SI: variants seen among roughly 807,000 people sequenced by gnomAD.
The protein encoded by SI is sucrase-isomaltase, intestinal.
Under a neutral mutation model 253.3 loss-of-function variants are expected in SI, and 235 were observed. The ratio of observed to expected loss-of-function variants is 0.93; its 90% CI spans 0.83 to 1.03. The LOEUF is 1.03. Among genes scored for constraint, SI ranks in the 50% least tolerant of loss-of-function variants. The pLI is 0.00. For missense variants in SI, 2,442 were observed against 2,211.1 expected, an observed-to-expected ratio of 1.10 and a Z score of -2.09; for synonymous variants, 819 against 712.0, an observed-to-expected ratio of 1.15 and a Z score of -2.39.
At chr3:165,089,010 A>T in the SI span, among the ~76,000 whole-genome samples, 1 of 151,822 alleles carries the variant, frequency 6.6e-6, no homozygotes, top group South Asian at 2.1e-4. Flanking sequence ...TTTGACCCAC[A>T]TTCAAATGAA....
At chr3:165,068,871 TATA>T (rs1247491733) in intron 4 of SI, 40 bp from the exon 5 acceptor site, 17 of 1,296,096 alleles carry the variant, frequency 1.3e-5, no homozygotes, top group Non-Finnish European at 1.9e-5. Context: ...TGACTTGATT[TATA>T]ATGTTAACAA....
At chr3:165,009,528 T>G in intron 34 of SI, 133 bp from the exon 35 acceptor site, 1 of 661,392 alleles carries the variant, frequency 1.5e-6, no homozygotes, top group Non-Finnish European at 2.8e-6. Flanking sequence ...CAATCTTAAT[T>G]ACATAAATGT....
chr3:165,074,743 C>A, intron 2 of SI, 76 bp from the exon 3 acceptor site: 1 of 1,248,142 alleles, frequency 8.0e-7, no homozygotes, highest in Non-Finnish European at 1.2e-6. Flanking sequence ...GTAATAAGTA[C>A]TTTTTGAAAG....
In SI at chr3:164,996,594, A is replaced by C. The variant is rs759927786; in HGVS notation, c.4633T>G (p.Trp1545Gly). The part of the protein sequence containing the change: ...NNSEYHLCTR[W>G]MQLGAFYPYS... ...GGATAAAATGCTCCAAGTTGCATCC[A>C]GCGGGTACAGAGATGATATTCTGAG... Residue 1545 changes from tryptophan (W) to glycine (G), a missense_variant, in exon 40 of 48, where the codon TGG becomes GGG. Coordinates refer to ENST00000264382, the MANE Select transcript of SI (RefSeq NM_001041.4). The C allele has an allele frequency of 1.2e-6, 2 of 1,610,534 alleles. No homozygotes were observed. The highest frequency in any genetic ancestry group is 1.7e-6 in the Non-Finnish European group (2 of 1,177,356).
rs752155925 is a variant in SI, at chr3:165,069,083, CTTG to C, written c.365_367del (p.Thr122del). On this transcript the variant is annotated inframe_deletion, in exon 4 of 48. Coordinates refer to ENST00000264382, the MANE Select transcript of SI (RefSeq NM_001041.4). The stretch of plus-strand genomic sequence containing the variant: ...TATAACAGAGGACTTCTTACCAATA[CTTG>C]TTGTTGTCATGTCTTGAACGTTATA... 9 of 1,598,958 alleles carry C rather than the reference CTTG, an allele frequency of 5.6e-6. No individual in the cohort carries two copies. In the East Asian group the frequency reaches 1.1e-4, roughly 20 times the overall value.
chr3:165,034,895 G>T (rs1292000289), intron 22 of SI, among the ~76,000 whole-genome samples: 1 of 151,980 alleles, frequency 6.6e-6, no homozygotes. Context: ...TTTAAAAGGG[G>T]TTAAAAAGAG....
At chr3:165,053,740 T>C (rs1182269432) in intron 13 of SI, among the ~76,000 whole-genome samples, 3 of 152,154 alleles carry the variant, frequency 2.0e-5, no homozygotes, top group South Asian at 4.1e-4. Context: ...AATCAGGCTC[T>C]GTCTCACTAT....
rs1444066113 is a variant in SI, at chr3:165,013,154, T to G, written c.4000-112A>C. 7 of 773,156 alleles carry G rather than the reference T, an allele frequency of 9.1e-6. 1 individual carries two copies. The highest frequency in any genetic ancestry group is 1.7e-5 in the Non-Finnish European group (7 of 421,422). 47.9% of individuals were successfully genotyped at this position (773,156 alleles called of 1,614,324 possible). ...GAGGCTTATTATTAACTCAAAGTCTTCAGATCTGCAATCCCTTCAAATCTC... is the reference window on the plus strand; with the variant it reads ...GAGGCTTATTATTAACTCAAAGTCTGCAGATCTGCAATCCCTTCAAATCTC... On this transcript the variant is annotated intron_variant, in intron 33 of 47. Transcript: ENST00000264382.
chr3:164,994,113 G>T, intron 41 of SI, 144 bp downstream of exon 41: 1 of 680,332 alleles, frequency 1.5e-6, no homozygotes, highest in Non-Finnish European at 2.6e-6. Flanking sequence ...TTGTGTAAAT[G>T]CTTTATTAAT....
the SI span, among the ~76,000 whole-genome samples, chr3:165,088,734 G>A: frequency 5.3e-5 from 8 of 151,376 alleles, no homozygotes; most frequent in East Asian, 1.4e-3. Context: ...TTCAGAACCC[G>A]AACTGAATAT....
chr3:165,052,647 A>T (rs772284554), intron 13 of SI, among the ~76,000 whole-genome samples: 11 of 151,996 alleles, frequency 7.2e-5, no homozygotes, highest in Middle Eastern at 6.8e-3. Flanking sequence ...ACAGAGCAAG[A>T]CTTAGTCTCA....
intron 37 of SI, among the ~76,000 whole-genome samples, chr3:165,006,272 C>A (rs1718506483): frequency 6.6e-6 from 1 of 152,110 alleles, no homozygotes; most frequent in East Asian, 1.9e-4. Context: ...CCACTCCTGG[C>A]TAATTTTTTG....
At chr3:165,031,942 T>C (rs1299244238) in intron 24 of SI, among the ~76,000 whole-genome samples, 4 of 151,180 alleles carry the variant, frequency 2.6e-5, no homozygotes, top group Non-Finnish European at 4.5e-5. Flanking sequence ...CCAATAACAG[T>C]GCATCCAATT....
upstream of SI, among the ~76,000 whole-genome samples, chr3:165,081,096 T>A (rs1031732290): frequency 7.3e-5 from 11 of 151,708 alleles, no homozygotes; most frequent in African/African-American, 2.7e-4. Flanking sequence ...GTTCAAAAAA[T>A]GCTTAGAAGG....
At chr3:165,045,443 A>G (rs1053509478) in intron 16 of SI, among the ~76,000 whole-genome samples, 1 of 152,056 alleles carries the variant, frequency 6.6e-6, no homozygotes. Context: ...ACTAAAATAC[A>G]TTTGAATATT....
At chr3:165,080,657 A>C (rs1407278421), upstream of SI, among the ~76,000 whole-genome samples, 2 of 152,056 alleles carry the variant, frequency 1.3e-5, no homozygotes, top group East Asian at 3.9e-4. Context: ...CAAGGACAAA[A>C]AACCAAACAC....
chr3:165,004,340 C>T (rs540022104), intron 37 of SI, among the ~76,000 whole-genome samples: 1 of 152,232 alleles, frequency 6.6e-6, no homozygotes, highest in African/African-American at 2.4e-5. Context: ...AATGCTCTTT[C>T]GCTGTTGGTA....
At chr3:165,046,168 G>T (rs375076766) in intron 16 of SI, among the ~76,000 whole-genome samples, 2 of 151,936 alleles carry the variant, frequency 1.3e-5, no homozygotes, top group East Asian at 3.9e-4. Context: ...GTGTGTGGGG[G>T]TGTTACTTTT....
intron 44 of SI, 116 bp downstream of exon 44, chr3:164,991,237 C>G (rs1717719711): frequency 9.1e-7 from 1 of 1,102,380 alleles, no homozygotes; most frequent in Non-Finnish European, 1.4e-6. Context: ...GTTACTGAGG[C>G]AGGCTAATGT....
Sources: allele counts gnomAD v4.1 joint callset (sites outside exome capture counted in the v4.1 genomes callset), GRCh38; gene constraint gnomAD v4.1.1; transcripts MANE v1.5; gene names NCBI Gene and HGNC (gene_info 2026-07-23, HGNC 2026-07-21).